The following TRIM75 variants were observed in gnomAD, a reference collection of about 807,000 sequenced individuals.
TRIM75 encodes tripartite motif-containing protein 75.
chr4:165,059,634 A>G, the TRIM75 span: 1 of 780,928 alleles, frequency 1.3e-6, no homozygotes, highest in African/African-American at 1.7e-5. Context: ...AAAATTAATA[A>G]GCACTCAAAG....
chr4:165,057,687 T>A, the TRIM75 span, among the ~76,000 whole-genome samples: 3 of 151,958 alleles, frequency 2.0e-5, no homozygotes, highest in Admixed American at 2.0e-4. Flanking sequence ...TGTGCCCCCA[T>A]GCCAGGCTAA....
the TRIM75 span, chr4:165,060,251 T>C: frequency 1.3e-6 from 1 of 780,940 alleles, no homozygotes; most frequent in Non-Finnish European, 2.4e-6. Flanking sequence ...TTTGCAAAGA[T>C]TCTCTTCCCA....
chr4:165,057,261 G>T, the TRIM75 span, among the ~76,000 whole-genome samples: 1 of 152,106 alleles, frequency 6.6e-6, no homozygotes, highest in Non-Finnish European at 1.5e-5. Flanking sequence ...TGTAATCCTC[G>T]CATTTTGGGA....
chr4:165,055,511 G>C, the TRIM75 span, among the ~76,000 whole-genome samples: 3 of 151,908 alleles, frequency 2.0e-5, no homozygotes, highest in African/African-American at 7.3e-5. Context: ...CTCAGCTCCC[G>C]ACCTCAGGTG....
At chr4:165,060,520 C>T in the TRIM75 span, 3 of 776,288 alleles carry the variant, frequency 3.9e-6, no homozygotes. Flanking sequence ...GATTCACAAC[C>T]TCTCAGAATC....
At chr4:165,057,682 C>T in the TRIM75 span, among the ~76,000 whole-genome samples, 3 of 152,034 alleles carry the variant, frequency 2.0e-5, no homozygotes, top group African/African-American at 7.3e-5. Context: ...AGGCATGTGC[C>T]CCCATGCCAG....
the TRIM75 span, chr4:165,059,515 C>T: frequency 2.6e-6 from 2 of 780,926 alleles, no homozygotes; most frequent in Non-Finnish European, 4.8e-6. Context: ...ACTCAGCCCC[C>T]TGACCACCAG....
chr4:165,054,595 T>C, the TRIM75 span, among the ~76,000 whole-genome samples: 132 of 152,222 alleles, frequency 8.7e-4, no homozygotes, highest in African/African-American at 2.8e-3. Flanking sequence ...ATTTTTAGTC[T>C]CACCGTGTTG....
At chr4:165,054,335 T>C in the TRIM75 span, among the ~76,000 whole-genome samples, 1 of 151,170 alleles carries the variant, frequency 6.6e-6, no homozygotes, top group East Asian at 2.0e-4. Flanking sequence ...AGTGGCTATC[T>C]TGACTCATTG....
the TRIM75 span, chr4:165,059,119 C>T: frequency 2.7e-6 from 2 of 737,376 alleles, no homozygotes; most frequent in Non-Finnish European, 2.5e-6. Flanking sequence ...AGAAAGCCCA[C>T]CTTGGTCGAG....
the TRIM75 span, chr4:165,059,461 G>A: frequency 1.7e-5 from 13 of 780,892 alleles, no homozygotes; most frequent in Non-Finnish European, 3.1e-5. Flanking sequence ...CAGCCCCTGA[G>A]CGTTTTCTGC....
At chr4:165,057,894 G>A in the TRIM75 span, among the ~76,000 whole-genome samples, 11 of 152,204 alleles carry the variant, frequency 7.2e-5, no homozygotes, top group Non-Finnish European at 8.8e-5. Flanking sequence ...TTCTATGCTC[G>A]TTTGGAGAGC....
the TRIM75 span, among the ~76,000 whole-genome samples, chr4:165,054,489 G>A: frequency 4.6e-5 from 7 of 152,074 alleles, no homozygotes; most frequent in African/African-American, 7.2e-5. Flanking sequence ...GTATGGTCTC[G>A]ATCTTCTGAC....
the TRIM75 span, among the ~76,000 whole-genome samples, chr4:165,058,342 T>A: frequency 1.3e-5 from 2 of 151,844 alleles, no homozygotes; most frequent in African/African-American, 4.8e-5. Flanking sequence ...CTAATTTTTT[T>A]TTTATTTTTT....
chr4:165,058,287 C>T, the TRIM75 span, among the ~76,000 whole-genome samples: 2 of 152,194 alleles, frequency 1.3e-5, no homozygotes, highest in African/African-American at 4.8e-5. Context: ...CCTGCCTCAA[C>T]CTCCCAAGTA....
At chr4:165,057,927 T>C in the TRIM75 span, among the ~76,000 whole-genome samples, 1 of 152,234 alleles carries the variant, frequency 6.6e-6, no homozygotes, top group Non-Finnish European at 1.5e-5. Context: ...ATTGGGAATA[T>C]GTTCAGTTTT....
chr4:165,055,730 C>T, the TRIM75 span, among the ~76,000 whole-genome samples: 63 of 152,262 alleles, frequency 4.1e-4, 1 homozygote, highest in African/African-American at 1.4e-3. Context: ...GACTCTGGAT[C>T]AGCTGTCCAG....
At chr4:165,054,652 G>A in the TRIM75 span, among the ~76,000 whole-genome samples, 2 of 152,030 alleles carry the variant, frequency 1.3e-5, no homozygotes, top group Non-Finnish European at 2.9e-5. Context: ...CGCCTGCCTC[G>A]GCCTCCCAAA....
chr4:165,054,808 G>A, the TRIM75 span, among the ~76,000 whole-genome samples: 1 of 152,148 alleles, frequency 6.6e-6, no homozygotes, highest in African/African-American at 2.4e-5. Context: ...TAAGCTGAGA[G>A]CCCACCCTGT....
Sources: gnomAD v4.1 joint callset for allele counts (sites outside exome capture counted in the v4.1 genomes callset) on GRCh38, gnomAD v4.1.1 for gene constraint, MANE v1.5 for transcripts, NCBI Gene and HGNC (gene_info 2026-07-23, HGNC 2026-07-21) for gene names.